ZSWIM6: variants seen among roughly 807,000 people sequenced by gnomAD.
ZSWIM6 encodes zinc finger SWIM-type containing 6, also known as zinc finger SWIM domain-containing protein 6.
In ZSWIM6, 9 loss-of-function variants were observed where a neutral mutation model predicts 113.2. That is an observed-to-expected ratio of 0.08 (90% confidence interval 0.05 to 0.14). The LOEUF is 0.14. Among genes scored for constraint, ZSWIM6 ranks in the 10% least tolerant of loss-of-function variants. ZSWIM6 has a pLI of 1.00. For synonymous variants in ZSWIM6, 611 were observed against 606.5 expected (o/e 1.01, Z -0.11); for missense variants, 1,162 against 1,552.2 (o/e 0.75, Z 4.22).
intron 1 of ZSWIM6, among the ~76,000 whole-genome samples, chr5:61,450,818 ATAAG>A (rs1419113089): frequency 1.3e-5 from 2 of 152,226 alleles, no homozygotes; most frequent in Non-Finnish European, 2.9e-5. Flanking sequence ...GGAGAAATAA[ATAAG>A]TGAGTATAGG....
intron 9 of ZSWIM6, 114 bp from the exon 10 acceptor site, chr5:61,535,370 T>G: frequency 7.9e-7 from 1 of 1,263,882 alleles, no homozygotes; most frequent in Non-Finnish European, 1.1e-6. Flanking sequence ...ATCATTTACT[T>G]GAAATTCTTA....
chr5:61,472,835 A>G lies in ZSWIM6; in HGVS notation c.831A>G (p.Ala277=), dbSNP rs1221761908. ...KDIFYCAHVV[A]LSLYRIRKPD... ...TATTTTATTGTGCCCATGTTGTGGC[A>G]CTGTCTTTATACCGCATCCGCAAGC... The change falls in exon 2 of 14, where the codon GCA becomes GCG. Residue 277 remains alanine, a synonymous_variant. Coordinates refer to ENST00000252744, the MANE Select transcript of ZSWIM6 (RefSeq NM_020928.2). This position sits in a 1 kb window ranked among gnomAD's most constrained non-coding sequence, Gnocchi z 4.1. The G allele has an allele frequency of 6.4e-7, 1 of 1,551,726 alleles. No individual in the cohort carries two copies. The highest frequency in any genetic ancestry group is 2.4e-5 in the East Asian group (1 of 40,924).
At chr5:61,390,803 A>G (rs188531931) in intron 1 of ZSWIM6, 2 of 794,008 alleles carry the variant, frequency 2.5e-6, no homozygotes, top group African/African-American at 3.4e-5. Context: ...TCTTCTCCAG[A>G]GGCCGCCGTT....
chr5:61,383,039 C>G (rs1376944438), intron 1 of ZSWIM6, among the ~76,000 whole-genome samples: 3 of 152,192 alleles, frequency 2.0e-5, no homozygotes, highest in Non-Finnish European at 2.9e-5. Context: ...GAATCTCATT[C>G]TTAACCTGAA....
intron 1 of ZSWIM6, among the ~76,000 whole-genome samples, chr5:61,448,022 T>C (rs143315267): frequency 1.0e-3 from 158 of 152,290 alleles, no homozygotes; most frequent in African/African-American, 3.6e-3. Context: ...TATCCAGATA[T>C]GGTATCTGGT....
intron 1 of ZSWIM6, among the ~76,000 whole-genome samples, chr5:61,369,673 G>A (rs868128393): frequency 6.6e-6 from 1 of 152,056 alleles, no homozygotes; most frequent in African/African-American, 2.4e-5. Flanking sequence ...CTGACTGACG[G>A]GGCATTAGTT....
chr5:61,437,787 G>A (rs1746741298), intron 1 of ZSWIM6, among the ~76,000 whole-genome samples: 1 of 149,708 alleles, frequency 6.7e-6, no homozygotes, highest in Admixed American at 6.7e-5. Context: ...ACTAACAAAT[G>A]TAGATTTATA....
At chr5:61,433,728 C>A (rs1247483373) in intron 1 of ZSWIM6, among the ~76,000 whole-genome samples, 2 of 152,120 alleles carry the variant, frequency 1.3e-5, no homozygotes, top group African/African-American at 4.8e-5. Flanking sequence ...CCTGCCTCGG[C>A]CTCCCAAAAG....
intron 1 of ZSWIM6, among the ~76,000 whole-genome samples, chr5:61,359,891 CAGAGAA>C (rs1744996027): frequency 1.3e-5 from 2 of 151,726 alleles, no homozygotes; most frequent in African/African-American, 4.8e-5. Context: ...ATGTTTTCAG[CAGAGAA>C]AGATTTAATG....
intron 1 of ZSWIM6, among the ~76,000 whole-genome samples, chr5:61,353,687 C>T (rs1015966670): frequency 6.6e-6 from 1 of 152,220 alleles, no homozygotes; most frequent in Admixed American, 6.5e-5. Flanking sequence ...GGAGCTGATA[C>T]TACACTCAGT....
In ZSWIM6 at chr5:61,543,523, A is replaced by G. The variant is rs545343406; in HGVS notation, c.2854A>G (p.Ile952Val). 7.1e-6 allele frequency: 11 copies of G among 1,551,564 alleles called. No individual in the cohort carries two copies. Among genetic ancestry groups the G allele is most frequent in the African/African-American group, 4.1e-5 (3 of 73,098 alleles). ...CTTTACTCCCACCGAGGCCACAAGT[A>G]TAGTTGCAACTACCGTGATGTCCAA... ...TLFTPTEATS[I>V]VATTVMSNST... Residue 952 changes from isoleucine (I) to valine (V), a missense_variant, in exon 14 of 14, where the codon ATA becomes GTA. Physicochemically the swap from Ile to Val is conservative, Grantham distance 29. This residue lies in a region of ZSWIM6 where 620 missense variants were observed against 804.6 expected (regional missense o/e 0.77). Transcript: ENST00000252744. This position sits in a 1 kb window ranked among gnomAD's most constrained non-coding sequence, Gnocchi z 4.3.
Position 61,543,816 on chromosome 5 carries a change from G to A in ZSWIM6, c.3147G>A (p.Leu1049=). The A allele has an allele frequency of 1.1e-5, 17 of 1,551,896 alleles. No individual in the cohort carries two copies. Among genetic ancestry groups the A allele is most frequent in the Non-Finnish European group, 1.4e-5 (16 of 1,147,032 alleles). The change falls in exon 14 of 14, where the codon CTG becomes CTA. Residue 1049 remains leucine, a synonymous_variant. Transcript: ENST00000252744. The surrounding 1 kb of genome is among the most constrained non-coding windows in gnomAD (Gnocchi z 4.3). ...GGTACCCCATGAGGGCCTACAAGCT[G>A]GCCACCCTGGCCATGACCCATCTCA... ...HRGYPMRAYK[L]ATLAMTHLNL... is the part of the protein sequence containing the mutation.
At chr5:61,444,703 A>G (rs1746913654) in intron 1 of ZSWIM6, among the ~76,000 whole-genome samples, 1 of 152,156 alleles carries the variant, frequency 6.6e-6, no homozygotes. Context: ...TTAATGTTTA[A>G]TTTATAGAAA....
intron 1 of ZSWIM6, among the ~76,000 whole-genome samples, chr5:61,450,509 C>T (rs1190139689): frequency 3.9e-5 from 6 of 152,148 alleles, no homozygotes; most frequent in Non-Finnish European, 8.8e-5. Context: ...AAAAAGTATA[C>T]ACTTCATTGA....
chr5:61,392,271 C>T (rs554761128), intron 1 of ZSWIM6, among the ~76,000 whole-genome samples: 2 of 152,364 alleles, frequency 1.3e-5, no homozygotes, highest in South Asian at 4.1e-4. Flanking sequence ...TGCATCCAAA[C>T]TGGCTACAGA....
intron 2 of ZSWIM6, among the ~76,000 whole-genome samples, chr5:61,483,910 A>AAT (rs1299279239): frequency 2.7e-5 from 4 of 150,656 alleles, no homozygotes; most frequent in Admixed American, 6.6e-5. Flanking sequence ...AAATAAAATA[A>AAT]ATATATATAT....
chr5:61,354,110 G>A (rs1485656711), intron 1 of ZSWIM6, among the ~76,000 whole-genome samples: 3 of 152,218 alleles, frequency 2.0e-5, no homozygotes, highest in Non-Finnish European at 4.4e-5. Context: ...TCCAGGAATG[G>A]TCTTTTGAAT....
chr5:61,484,261 T>G (rs572649098), intron 2 of ZSWIM6, among the ~76,000 whole-genome samples: 46 of 152,282 alleles, frequency 3.0e-4, no homozygotes, highest in African/African-American at 1.1e-3. Flanking sequence ...CTGGGGCAGA[T>G]CTCCTTGTGG....
At chr5:61,370,115 C>G (rs1378099780) in intron 1 of ZSWIM6, among the ~76,000 whole-genome samples, 1 of 152,186 alleles carries the variant, frequency 6.6e-6, no homozygotes, top group African/African-American at 2.4e-5. Flanking sequence ...TACAAAAGAA[C>G]TTGAACTACA....
Sources: gnomAD v4.1 joint callset for allele counts (sites outside exome capture counted in the v4.1 genomes callset) on GRCh38, gnomAD v4.1.1 for gene constraint, gnomAD v4.1.1 regional missense constraint, Gnocchi (gnomAD v3.1) non-coding constraint, MANE v1.5 for transcripts, NCBI Gene and HGNC (gene_info 2026-07-23, HGNC 2026-07-21) for gene names.